CLTC: variants seen among roughly 807,000 people sequenced by gnomAD.
The protein encoded by CLTC is clathrin heavy chain.
In CLTC, 16 loss-of-function variants were observed where a neutral mutation model predicts 195.8. The observed-to-expected ratio is 0.08, with a 90% CI of 0.06 to 0.12. The LOEUF is 0.12. Ranked by LOEUF, CLTC falls within the 10% of genes least tolerant of loss-of-function variation. The pLI is 1.00. For missense variants in CLTC, 796 were observed against 2,027.0 expected, an observed-to-expected ratio of 0.39 and a Z score of 11.66; for synonymous variants, 667 against 689.4, an observed-to-expected ratio of 0.97 and a Z score of 0.51.
Position 59,696,609 on chromosome 17 carries a change from TATAAC to T in CLTC, c.*2761_*2765del, listed in dbSNP as rs2033432851. 1 of 212,964 alleles carries T rather than the reference TATAAC, an allele frequency of 4.7e-6. No homozygotes were observed. Among genetic ancestry groups the T allele is most frequent in the Non-Finnish European group, 9.5e-6 (1 of 105,348 alleles). 13.2% of individuals were successfully genotyped at this position (212,964 alleles called of 1,614,324 possible). Reference sequence around the variant, plus strand: ...TCTGCCTCATATTCTGGGTAACTGGTATAACATAGTAATTATTAGGATTGTATCAA... The same window carrying T: ...TCTGCCTCATATTCTGGGTAACTGGTATAGTAATTATTAGGATTGTATCAA... On this transcript the variant is annotated 3_prime_UTR_variant, in exon 32 of 32. Coordinates refer to ENST00000269122, the MANE Select transcript of CLTC (RefSeq NM_004859.4).
At chr17:59,640,646 C>T (rs1022301847) in intron 1 of CLTC, among the ~76,000 whole-genome samples, 1 of 151,556 alleles carries the variant, frequency 6.6e-6, no homozygotes, top group African/African-American at 2.4e-5. Context: ...GATCCACGCC[C>T]CCTTGGCCTC....
At chr17:59,673,542 T>C (rs1220782911) in intron 14 of CLTC, 105 bp from the exon 15 acceptor site, 3 of 784,114 alleles carry the variant, frequency 3.8e-6, no homozygotes, top group Non-Finnish European at 2.1e-6. Context: ...GAGCTATGTT[T>C]GTGTGAGCCT....
In CLTC at chr17:59,679,520, G is replaced by T; in HGVS notation, c.2919+1G>T. The T allele has an allele frequency of 6.3e-7, 1 of 1,580,944 alleles. No homozygotes were observed. The highest frequency in any genetic ancestry group is 8.6e-7 in the Non-Finnish European group (1 of 1,162,116). ...TTACAGGAGACCCCTAATTGACCAG[G>T]TAACATTGGCAAATGTGTTTATGGC... On this transcript the variant is annotated splice_donor_variant, in intron 18 of 31. Transcript: ENST00000269122. LOFTEE classifies it high-confidence loss of function.
intron 1 of CLTC, among the ~76,000 whole-genome samples, chr17:59,641,483 C>G (rs1230136358): frequency 3.3e-5 from 5 of 151,388 alleles, no homozygotes; most frequent in African/African-American, 1.2e-4. Flanking sequence ...CTCCTGTAGT[C>G]CCAGCTACTC....
At position 59,619,936 on chromosome 17, in the gene CLTC, C is replaced by T. The variant is rs2031300526; in HGVS notation, c.-196C>T. 5.5e-6 allele frequency: 3 copies of T among 548,450 alleles called. No individual in the cohort carries two copies. Among genetic ancestry groups the T allele is most frequent in the African/African-American group, 3.8e-5 (2 of 52,490 alleles). 34.0% of individuals were successfully genotyped at this position (548,450 alleles called of 1,614,324 possible). The stretch of plus-strand genomic sequence containing the variant: ...TGCGCTGCGCCCGGTTCCGCCATTG[C>T]GGCTCTCCTGGCCCCTGGAGCCTCC... On this transcript the variant is annotated 5_prime_UTR_variant, in exon 1 of 32. Transcript: ENST00000269122.
At position 59,634,763 on chromosome 17, in the gene CLTC, G is replaced by A. The variant is rs368238328; in HGVS notation, c.43-9513G>A. Among the ~76,000 whole-genome samples the A allele has an allele frequency of 3.5e-4, 53 of 152,350 alleles. 1 individual carries two copies. The South Asian group carries it at 8.3e-3, about 24-fold the overall frequency. ...AAATCTGTGGAGCCTACAGAAAACA[G>A]TGGTTGGTATCCTGTTGATGGAAGA... On this transcript the variant is annotated intron_variant, in intron 1 of 31. Transcript: ENST00000269122.
intron 7 of CLTC, among the ~76,000 whole-genome samples, chr17:59,660,878 T>G (rs1298141769): frequency 6.6e-6 from 1 of 152,218 alleles, no homozygotes; most frequent in Admixed American, 6.5e-5. Context: ...TTATACTGTT[T>G]GACCTCATAA....
intron 16 of CLTC, 95 bp downstream of exon 16, chr17:59,674,938 C>A: frequency 1.6e-6 from 2 of 1,220,714 alleles, no homozygotes; most frequent in Non-Finnish European, 2.3e-6. Flanking sequence ...TACTAAATAA[C>A]ACATGGAGAA....
At position 59,666,430 on chromosome 17, in the gene CLTC, C is replaced by T. The variant is rs372990420; in HGVS notation, c.1783-50C>T. The T allele has an allele frequency of 6.3e-6, 10 of 1,585,106 alleles. No homozygotes were observed. In the African/African-American group the frequency reaches 1.4e-4, roughly 21 times the overall value. On this transcript the variant is annotated intron_variant, in intron 11 of 31. Coordinates refer to ENST00000269122, the MANE Select transcript of CLTC (RefSeq NM_004859.4). This position sits in a 1 kb window ranked among gnomAD's most constrained non-coding sequence, Gnocchi z 4.9. ...AATCTGTAATACGGATATTGAATTA[C>T]TCATGTAAGTGGAGTGGACAATAAA...
At chr17:59,677,458 C>T (rs964488269) in intron 17 of CLTC, among the ~76,000 whole-genome samples, 16 of 152,200 alleles carry the variant, frequency 1.1e-4, no homozygotes, top group Admixed American at 7.2e-4. Flanking sequence ...ACCATTCATA[C>T]ATATGTGTAT....
chr17:59,671,966 C>T (rs1490112382), intron 14 of CLTC, among the ~76,000 whole-genome samples: 3 of 152,120 alleles, frequency 2.0e-5, no homozygotes, highest in African/African-American at 7.2e-5. Context: ...AATGTAAGTT[C>T]CTTGAGAGAA....
chr17:59,660,907 A>C (rs1002248166), intron 7 of CLTC, among the ~76,000 whole-genome samples: 1 of 152,184 alleles, frequency 6.6e-6, no homozygotes, highest in African/African-American at 2.4e-5. Flanking sequence ...TACTGATTTT[A>C]TTTCCATAAC....
intron 1 of CLTC, among the ~76,000 whole-genome samples, chr17:59,633,129 C>T (rs1180284650): frequency 6.6e-6 from 1 of 152,150 alleles, no homozygotes. Context: ...TCTGTAACTC[C>T]TCATGCTGAT....
At chr17:59,650,885 C>A (rs2032312147) in intron 4 of CLTC, among the ~76,000 whole-genome samples, 1 of 152,174 alleles carries the variant, frequency 6.6e-6, no homozygotes, top group Non-Finnish European at 1.5e-5. Flanking sequence ...CCCTCTCTCA[C>A]ACCATCCCTA....
chr17:59,687,487 GTTTT>G (rs531755733), intron 30 of CLTC, among the ~76,000 whole-genome samples: 1 of 141,976 alleles, frequency 7.0e-6, no homozygotes, highest in Admixed American at 7.1e-5. Context: ...GCTTTTTGGG[GTTTT>G]TTTTTTTTTG....
In CLTC at chr17:59,681,987, T is replaced by C; in HGVS notation, c.3442+148T>C. 3 of 773,976 alleles carry C rather than the reference T, an allele frequency of 3.9e-6. No homozygotes were observed. Among genetic ancestry groups the C allele is most frequent in the Non-Finnish European group, 5.9e-6 (3 of 506,978 alleles). The allele number at this position is 773,976 out of a possible 1,614,324, so 47.9% of individuals were successfully genotyped here. A position where few individuals can be genotyped will look rare whatever the true frequency, so the allele number is the denominator to read the frequency against. On this transcript the variant is annotated intron_variant, in intron 21 of 31. Transcript: ENST00000269122. This position sits in a 1 kb window ranked among gnomAD's most constrained non-coding sequence, Gnocchi z 5.0. ...TAGTCCAGATAAAAAGAGGCTGTAT[T>C]TTGTGAATTTGTAAGTTCACAAAAC...
rs569589729 is a variant in CLTC, at chr17:59,630,358, A to G, written c.42+10185A>G. 5.9e-5 allele frequency among the ~76,000 whole-genome samples: 9 copies of G among 152,334 alleles called. No individual in the cohort carries two copies. The South Asian group carries it at 1.9e-3, about 32-fold the overall frequency. On this transcript the variant is annotated intron_variant, in intron 1 of 31. Coordinates refer to ENST00000269122, the MANE Select transcript of CLTC (RefSeq NM_004859.4). The stretch of plus-strand genomic sequence containing the variant: ...AGCAAAATGACTAGTTGAATTGTAC[A>G]TTAAATATATCTAATCCCTAAGAGT...
chr17:59,652,836 G>T (rs2032361368), intron 5 of CLTC, among the ~76,000 whole-genome samples: 1 of 152,168 alleles, frequency 6.6e-6, no homozygotes. Context: ...TAATAAGAGA[G>T]TCAGCCTGTC....
rs1355818350 is a variant in CLTC at position 59,620,309 on chromosome 17, G to C, written c.42+136G>C. 4 of 813,500 alleles carry C rather than the reference G, an allele frequency of 4.9e-6. No individual in the cohort carries two copies. In the African/African-American group the frequency reaches 5.0e-5, roughly 10 times the overall value. The allele number at this position is 813,500 out of a possible 1,614,324, so 50.4% of individuals were successfully genotyped here. ...CGGTGATTGGGGTAGGTGGAGGAGG[G>C]GGCACTATCTTGGAAAGCTTAAAAT... is the stretch of plus-strand genomic sequence containing the variant. On this transcript the variant is annotated intron_variant, in intron 1 of 31. Coordinates refer to ENST00000269122, the MANE Select transcript of CLTC (RefSeq NM_004859.4).
Sources: allele counts gnomAD v4.1 joint callset (sites outside exome capture counted in the v4.1 genomes callset), GRCh38; gene constraint gnomAD v4.1.1; non-coding constraint Gnocchi (gnomAD v3.1); transcripts MANE v1.5; gene names NCBI Gene and HGNC (gene_info 2026-07-23, HGNC 2026-07-21).